The following TRIM54 variants were observed in gnomAD, a reference collection of about 807,000 sequenced individuals.
TRIM54 encodes the protein tripartite motif-containing protein 54.
TRIM54 carries 40 observed loss-of-function variants against 42.0 expected under a neutral mutation model. The ratio of observed to expected loss-of-function variants is 0.95; its 90% CI spans 0.74 to 1.24. The LOEUF (loss-of-function observed/expected upper bound fraction) is 1.24, where lower values mean the gene tolerates loss of function less well. TRIM54 is among the 50% of genes most tolerant of loss of function. The pLI is 0.00. For missense variants in TRIM54, 485 were observed against 480.3 expected (o/e 1.01, Z -0.09); for synonymous variants, 199 against 194.9 (o/e 1.02, Z -0.17).
At chr2:27,304,761 C>T (rs1039873890) in intron 3 of TRIM54, 198 bp from the exon 4 acceptor site, 4 of 490,396 alleles carry the variant, frequency 8.2e-6, no homozygotes, top group Non-Finnish European at 1.5e-5. Context: ...TGGTGGAGGG[C>T]TTCTCTCCAC....
intron 3 of TRIM54, among the ~76,000 whole-genome samples, chr2:27,303,921 C>A (rs1422704646): frequency 6.6e-6 from 1 of 152,146 alleles, no homozygotes; most frequent in African/African-American, 2.4e-5. Context: ...ATATCAAAAA[C>A]CAACCATGTA....
intron 1 of TRIM54, among the ~76,000 whole-genome samples, chr2:27,284,407 C>A (rs570887649): frequency 6.6e-6 from 1 of 152,280 alleles, no homozygotes; most frequent in Non-Finnish European, 1.5e-5. Flanking sequence ...TGCTCTGTGC[C>A]ACCTTCACTG....
In TRIM54 at chr2:27,304,261, G is replaced by GAT. The variant is rs1183021690; in HGVS notation, c.514-682_514-681dup. On this transcript the variant is annotated intron_variant, in intron 3 of 8. Transcript: ENST00000380075. Reference sequence around the variant, plus strand: ...ATAGATAGATAGATATAGATATACAGATATATATATATATATAGATAGATA... The same window carrying GAT: ...ATAGATAGATAGATATAGATATACAGATATATATATATATATATAGATAGATA... 1.8e-3 allele frequency among the ~76,000 whole-genome samples: 245 copies of GAT among 136,670 alleles called. 2 individuals carry two copies. Among genetic ancestry groups the GAT allele is most frequent in the East Asian group, 4.4e-3 (20 of 4,592 alleles). 89.7% of individuals were successfully genotyped at this position (136,670 alleles called of 152,430 possible).
At position 27,299,374 on chromosome 2, in the gene TRIM54, CTG is replaced by C. The variant is rs757139551; in HGVS notation, c.474_475del (p.Cys158Ter). 1.2e-6 allele frequency: 2 copies of C among 1,614,132 alleles called. No homozygotes were observed. The highest frequency in any genetic ancestry group is 1.7e-6 in the Non-Finnish European group (2 of 1,180,028). ...GCAAGGTCTTCGGTGCCCACAAGGA[CTG>C]TGAGGTGGCCCCACTGCCCACCATT... The part of the protein sequence containing the change: ...LCKVFGAHKD[C>X]EVAPLPTIYK... On this transcript the variant is annotated frameshift_variant, in exon 3 of 9. Transcript: ENST00000380075. LOFTEE classifies it high-confidence loss of function.
At chr2:27,295,802 A>G (rs1328613090) in intron 1 of TRIM54, among the ~76,000 whole-genome samples, 1 of 152,248 alleles carries the variant, frequency 6.6e-6, no homozygotes. Context: ...TAAGAAAGAC[A>G]GGAGACTGCA....
Position 27,305,638 on chromosome 2 carries a change from G to T in TRIM54, c.664G>T (p.Ala222Ser), listed in dbSNP as rs766017338. ...LLNQRFESLC[A>S]VLEERKGELL... is the part of the protein sequence containing the mutation. ...AAACCAGAGGTTTGAGAGCCTGTGC[G>T]CAGTGCTGGAGGAGCGCAAGGGTGA... is the stretch of plus-strand genomic sequence containing the variant. The change falls in exon 5 of 9, where the codon GCA (alanine) becomes TCA (serine). Residue 222 changes from alanine to serine, a missense_variant. Transcript: ENST00000380075. 1.9e-6 allele frequency: 3 copies of T among 1,613,638 alleles called. No homozygotes were observed. In the South Asian group the frequency reaches 3.3e-5, roughly 18 times the overall value.
At chr2:27,301,314 A>G (rs1053848325) in intron 3 of TRIM54, among the ~76,000 whole-genome samples, 1 of 151,976 alleles carries the variant, frequency 6.6e-6, no homozygotes, top group Non-Finnish European at 1.5e-5. Context: ...TAATTTTTGT[A>G]TTTTTAATAG....
chr2:27,285,864 T>G (rs1428649856), intron 1 of TRIM54, among the ~76,000 whole-genome samples: 3 of 152,048 alleles, frequency 2.0e-5, no homozygotes, highest in Non-Finnish European at 4.4e-5. Flanking sequence ...CAAACAAGAG[T>G]TTTTGGGAAT....
intron 3 of TRIM54, among the ~76,000 whole-genome samples, chr2:27,302,433 G>A (rs988174527): frequency 2.0e-5 from 3 of 150,396 alleles, no homozygotes; most frequent in East Asian, 2.0e-4. Context: ...GCGACAGAGC[G>A]AGACTCCGTC....
Position 27,306,180 on chromosome 2 carries a change from G to T in TRIM54, c.867-33G>T. 6.2e-7 allele frequency: 1 copy of T among 1,613,918 alleles called. No homozygotes were observed. Among genetic ancestry groups the T allele is most frequent in the Non-Finnish European group, 8.5e-7 (1 of 1,179,986 alleles). ...TGGGGTGGGGCTTGAGAGTGCTGGGGCATTGCCAGCTGAGTCCGTGTGGCC... is the reference window on the plus strand; with the variant it reads ...TGGGGTGGGGCTTGAGAGTGCTGGGTCATTGCCAGCTGAGTCCGTGTGGCC... On this transcript the variant is annotated intron_variant, in intron 6 of 8. Transcript: ENST00000380075. This position sits in a 1 kb window ranked among gnomAD's most constrained non-coding sequence, Gnocchi z 6.1.
chr2:27,292,904 T>G (rs1369747444), intron 1 of TRIM54, among the ~76,000 whole-genome samples: 1 of 152,250 alleles, frequency 6.6e-6, no homozygotes, highest in Non-Finnish European at 1.5e-5. Context: ...TATTGCAATC[T>G]ATGTGACTTT....
At chr2:27,301,525 G>C (rs746684063) in intron 3 of TRIM54, among the ~76,000 whole-genome samples, 9 of 152,086 alleles carry the variant, frequency 5.9e-5, no homozygotes, top group African/African-American at 1.2e-4. Flanking sequence ...GAACATATAC[G>C]GTCACTTGCT....
At position 27,305,311 on chromosome 2, in the gene TRIM54, C is replaced by T. The variant is rs1679162353; in HGVS notation, c.609+257C>T. 6.8e-6 allele frequency: 4 copies of T among 585,690 alleles called. No homozygotes were observed. The Admixed American group carries it at 1.2e-4, about 18-fold the overall frequency. The allele number at this position is 585,690 out of a possible 1,614,324, so 36.3% of individuals were successfully genotyped here. A position where few individuals can be genotyped will look rare whatever the true frequency, so the allele number is the denominator to read the frequency against. On this transcript the variant is annotated intron_variant, in intron 4 of 8. Coordinates refer to ENST00000380075, the MANE Select transcript of TRIM54 (RefSeq NM_187841.3). ...TAAAACAGTGATGATGATAATGATACACCAGCTACCTCATGGGTTCTTTTT... is the reference window on the plus strand; with the variant it reads ...TAAAACAGTGATGATGATAATGATATACCAGCTACCTCATGGGTTCTTTTT...
At chr2:27,299,633 C>T (rs1432862852) in intron 3 of TRIM54, 4 of 914,892 alleles carry the variant, frequency 4.4e-6, no homozygotes, top group East Asian at 2.6e-5. Context: ...ATCTTAGCCT[C>T]GCAGAACACT....
At chr2:27,305,164 T>C (rs1372033806) in intron 4 of TRIM54, 110 bp downstream of exon 4, 7 of 983,714 alleles carry the variant, frequency 7.1e-6, no homozygotes, top group Non-Finnish European at 6.2e-6. Context: ...TCTGAAAGTT[T>C]CTGGGGTCCT....
chr2:27,306,558 T>A lies in TRIM54; in HGVS notation c.*1+16T>A. 3 of 1,532,026 alleles carry A rather than the reference T, an allele frequency of 2.0e-6. No homozygotes were observed. The highest frequency in any genetic ancestry group is 2.6e-6 in the Non-Finnish European group (3 of 1,138,778). The allele number at this position is 1,532,026 out of a possible 1,614,324, so 94.9% of individuals were successfully genotyped here. A position where few individuals can be genotyped will look rare whatever the true frequency, so the allele number is the denominator to read the frequency against. On this transcript the variant is annotated intron_variant, in intron 8 of 8. Coordinates refer to ENST00000380075, the MANE Select transcript of TRIM54 (RefSeq NM_187841.3). This position sits in a 1 kb window ranked among gnomAD's most constrained non-coding sequence, Gnocchi z 6.1. ...GGGCCTTAAGGTGAGAGCCGCCCGA[T>A]GGGCCTTAAGGTGAGAGCGGCCTGA...
At chr2:27,293,507 C>G (rs1678776975) in intron 1 of TRIM54, among the ~76,000 whole-genome samples, 2 of 152,166 alleles carry the variant, frequency 1.3e-5, no homozygotes, top group African/African-American at 2.4e-5. Context: ...TATTTCCTCT[C>G]CATTTCACAG....
chr2:27,294,584 G>A (rs374208563), intron 1 of TRIM54, among the ~76,000 whole-genome samples: 45 of 152,000 alleles, frequency 3.0e-4, no homozygotes, highest in African/African-American at 8.9e-4. Flanking sequence ...TCCTTGAAAT[G>A]GGGCTAAGAC....
Position 27,282,951 on chromosome 2 carries a change from G to T in TRIM54, c.168+52G>T, listed in dbSNP as rs1380448682. On this transcript the variant is annotated intron_variant, in intron 1 of 8. Coordinates refer to ENST00000380075, the MANE Select transcript of TRIM54 (RefSeq NM_187841.3). ...AGGTAAAGCAATGCAGACCTGTGGG[G>T]GACTGATCAGGTCAGAGCTGAGACC... 2.6e-6 allele frequency: 4 copies of T among 1,563,044 alleles called. No individual in the cohort carries two copies. In the East Asian group the frequency reaches 9.0e-5, roughly 35 times the overall value.
Sources: gnomAD v4.1 joint callset for allele counts (sites outside exome capture counted in the v4.1 genomes callset) on GRCh38, gnomAD v4.1.1 for gene constraint, Gnocchi (gnomAD v3.1) non-coding constraint, MANE v1.5 for transcripts, NCBI Gene and HGNC (gene_info 2026-07-23, HGNC 2026-07-21) for gene names.